Variants in SLC6A3 observed in about 807,000 individuals in gnomAD.
The protein encoded by SLC6A3 is sodium-dependent dopamine transporter.
In SLC6A3, 19 loss-of-function variants were observed where a neutral mutation model predicts 70.4. The ratio of observed to expected loss-of-function variants is 0.27; its 90% CI spans 0.19 to 0.40. SLC6A3 has a LOEUF of 0.40. Ranked by LOEUF, SLC6A3 falls within the 10% of genes least tolerant of loss-of-function variation. SLC6A3 has a pLI of 1.00. For missense variants in SLC6A3, 613 were observed against 838.5 expected (o/e 0.73, Z 3.32); for synonymous variants, 368 against 356.6 (o/e 1.03, Z -0.36).
In SLC6A3 at chr5:1,401,005, G is replaced by A. The variant is rs1449493305; in HGVS notation, c.1768-19C>T. The A allele has an allele frequency of 6.3e-7, 1 of 1,577,528 alleles. No homozygotes were observed. The highest frequency in any genetic ancestry group is 1.3e-5 in the African/African-American group (1 of 74,310). On this transcript the variant is annotated intron_variant, in intron 13 of 14. Coordinates refer to ENST00000270349, the MANE Select transcript of SLC6A3 (RefSeq NM_001044.5). This position sits in a 1 kb window ranked among gnomAD's most constrained non-coding sequence, Gnocchi z 6.1. ...CCAGTTTCTGAAAGAGAAAGAGAGT[G>A]CAGGGGTCAGTGCAGACCAGTACCC...
rs28363166 is a variant in SLC6A3, at chr5:1,394,699, C to G, written c.*36G>C. ...TGGTTTGTTCGTGTCTCTCCCATTG[C>G]AGGATGACTTCCTGGGGTCTTCGTC... On this transcript the variant is annotated 3_prime_UTR_variant, in exon 15 of 15. Transcript: ENST00000270349. This position sits in a 1 kb window ranked among gnomAD's most constrained non-coding sequence, Gnocchi z 4.7. 4.4e-6 allele frequency: 7 copies of G among 1,608,580 alleles called. No individual in the cohort carries two copies. Among genetic ancestry groups the G allele is most frequent in the Non-Finnish European group, 6.0e-6 (7 of 1,175,036 alleles).
Position 1,411,192 on chromosome 5 carries a change from T to A in SLC6A3, c.1269+51A>T. ...CCTGGGAGGGCAGGGCCCCCTCGGG[T>A]GGAAGGAACCCAACTGCCGAGGACA... On this transcript the variant is annotated intron_variant, in intron 9 of 14. Transcript: ENST00000270349. This position sits in a 1 kb window ranked among gnomAD's most constrained non-coding sequence, Gnocchi z 6.5. 1 of 1,319,094 alleles carries A rather than the reference T, an allele frequency of 7.6e-7. No individual in the cohort carries two copies. The highest frequency in any genetic ancestry group is 1.1e-6 in the Non-Finnish European group (1 of 937,542). 81.7% of individuals were successfully genotyped at this position (1,319,094 alleles called of 1,614,324 possible).
chr5:1,429,636 A>G (rs1668750447), intron 4 of SLC6A3, among the ~76,000 whole-genome samples: 1 of 152,208 alleles, frequency 6.6e-6, no homozygotes, highest in Non-Finnish European at 1.5e-5. Flanking sequence ...CACTGCCCAA[A>G]CAAAAGGAAG....
intron 6 of SLC6A3, among the ~76,000 whole-genome samples, chr5:1,417,219 A>G (rs897255328): frequency 6.6e-6 from 1 of 151,860 alleles, no homozygotes; most frequent in African/African-American, 2.4e-5. Flanking sequence ...TGGATCATCC[A>G]CAAGCTGCAT....
At chr5:1,427,634 A>C (rs1434531605) in intron 4 of SLC6A3, among the ~76,000 whole-genome samples, 1 of 152,250 alleles carries the variant, frequency 6.6e-6, no homozygotes, top group Non-Finnish European at 1.5e-5. Context: ...ATATAATGAC[A>C]CATATAGTTT....
rs1733692160 is a variant in SLC6A3 at position 1,442,187 on chromosome 5, T to C, written c.287-697A>G. Among the ~76,000 whole-genome samples, 1 of 152,166 alleles carries C rather than the reference T, an allele frequency of 6.6e-6. No homozygotes were observed. Among genetic ancestry groups the C allele is most frequent in the Non-Finnish European group, 1.5e-5 (1 of 68,020 alleles). ...GGGGAGGCATGGGGCCCCTCAGCTC[T>C]GTCTTTGGGCAACTTCCTGTACCTG... On this transcript the variant is annotated intron_variant, in intron 2 of 14. Coordinates refer to ENST00000270349, the MANE Select transcript of SLC6A3 (RefSeq NM_001044.5). This position sits in a 1 kb window ranked among gnomAD's most constrained non-coding sequence, Gnocchi z 5.0.
In SLC6A3 at chr5:1,407,867, C is replaced by T. The variant is rs117875030; in HGVS notation, c.1498+1159G>A. 5.0e-4 allele frequency among the ~76,000 whole-genome samples: 76 copies of T among 152,294 alleles called. No homozygotes were observed. In the East Asian group the frequency reaches 0.01, roughly 20 times the overall value. ...TGTCCTATTTGTCTCAAAGTCAGGG[C>T]GTTTATCTGGCTATAAATTCCATGG... On this transcript the variant is annotated intron_variant, in intron 11 of 14. Coordinates refer to ENST00000270349, the MANE Select transcript of SLC6A3 (RefSeq NM_001044.5).
chr5:1,441,659 C>T (rs1008035971), intron 2 of SLC6A3, among the ~76,000 whole-genome samples, 169 bp from the exon 3 acceptor site: 1 of 152,210 alleles, frequency 6.6e-6, no homozygotes, highest in South Asian at 2.1e-4. Flanking sequence ...GAAGCCCGCC[C>T]TCCACTGCTG....
Position 1,397,107 on chromosome 5 carries a change from G to A in SLC6A3, c.1840-2349C>T, listed in dbSNP as rs1478198691. On this transcript the variant is annotated intron_variant, in intron 14 of 14. Transcript: ENST00000270349. This position sits in a 1 kb window ranked among gnomAD's most constrained non-coding sequence, Gnocchi z 4.7. The stretch of plus-strand genomic sequence containing the variant: ...TCAAATGAAAACAAAATCTAAGTGA[G>A]GTAAGAGACCTGGAGGACCTGGGGC... Among the ~76,000 whole-genome samples, 1 of 152,160 alleles carries A rather than the reference G, an allele frequency of 6.6e-6. No individual in the cohort carries two copies. Among genetic ancestry groups the A allele is most frequent in the African/African-American group, 2.4e-5 (1 of 41,434 alleles).
rs1180607489 is a variant in SLC6A3 at position 1,406,415 on chromosome 5, GC to G, written c.1499-128del. On this transcript the variant is annotated intron_variant, in intron 11 of 14. Coordinates refer to ENST00000270349, the MANE Select transcript of SLC6A3 (RefSeq NM_001044.5). The surrounding 1 kb of genome is among the most constrained non-coding windows in gnomAD (Gnocchi z 8.8). The stretch of plus-strand genomic sequence containing the variant: ...CGGCCCCAGGCTTCGGCTGCACCCA[GC>G]CTCCTGCAGAGGAGGCCAGGCCACA... 1 of 816,960 alleles carries G rather than the reference GC, an allele frequency of 1.2e-6. No individual in the cohort carries two copies. Among genetic ancestry groups the G allele is most frequent in the East Asian group, 2.5e-5 (1 of 39,656 alleles). The allele number at this position is 816,960 out of a possible 1,614,324, so 50.6% of individuals were successfully genotyped here. A position where few individuals can be genotyped will look rare whatever the true frequency, so the allele number is the denominator to read the frequency against.
chr5:1,418,486 ACTGT>A (rs752297536), intron 6 of SLC6A3, among the ~76,000 whole-genome samples: 1 of 152,070 alleles, frequency 6.6e-6, no homozygotes, highest in Non-Finnish European at 1.5e-5. Flanking sequence ...TAATCTATCA[ACTGT>A]CTATCATCTA....
chr5:1,426,309 C>T (rs917601457), intron 4 of SLC6A3, among the ~76,000 whole-genome samples: 8 of 152,098 alleles, frequency 5.3e-5, no homozygotes, highest in East Asian at 1.9e-4. Flanking sequence ...GAAGCTGAGG[C>T]GGGAGGATTA....
Position 1,394,673 on chromosome 5 carries a change from T to C in SLC6A3, c.*62A>G. ...CCTTTCTCTCGAAACTTAGATTTCC[T>C]TGGTTTGTTCGTGTCTCTCCCATTG... On this transcript the variant is annotated 3_prime_UTR_variant, in exon 15 of 15. Coordinates refer to ENST00000270349, the MANE Select transcript of SLC6A3 (RefSeq NM_001044.5). This position sits in a 1 kb window ranked among gnomAD's most constrained non-coding sequence, Gnocchi z 4.7. 6.5e-7 allele frequency: 1 copy of C among 1,535,978 alleles called. No homozygotes were observed. Among genetic ancestry groups the C allele is most frequent in the Non-Finnish European group, 9.0e-7 (1 of 1,108,660 alleles).
intron 9 of SLC6A3, 46 bp from the exon 10 acceptor site, chr5:1,409,895 G>A (rs760490160): frequency 1.1e-5 from 18 of 1,610,512 alleles, no homozygotes; most frequent in Non-Finnish European, 1.4e-5. Flanking sequence ...CGGCGCTCCT[G>A]ACCGCAGCCT....
At chr5:1,414,922 C>T (rs777896068) in intron 7 of SLC6A3, 107 bp from the exon 8 acceptor site, 307 of 1,436,978 alleles carry the variant, frequency 2.1e-4, no homozygotes, top group Middle Eastern at 5.6e-4. Flanking sequence ...GGCGGGAGGT[C>T]TTCGGAGGGG....
rs530909053 is a variant in SLC6A3, at chr5:1,412,288, G to A, written c.1157-933C>T. On this transcript the variant is annotated intron_variant, in intron 8 of 14. Coordinates refer to ENST00000270349, the MANE Select transcript of SLC6A3 (RefSeq NM_001044.5). ...ACCACCTCCCCTGCCACGGGGTCCC[G>A]CAGGCCATATTGAGACAGGCTCCTG... 1.1e-4 allele frequency among the ~76,000 whole-genome samples: 17 copies of A among 152,320 alleles called. No homozygotes were observed. In the East Asian group the frequency reaches 2.7e-3, roughly 24 times the overall value.
chr5:1,400,125 G>A (rs992019731), intron 14 of SLC6A3, among the ~76,000 whole-genome samples: 2 of 152,232 alleles, frequency 1.3e-5, no homozygotes, highest in South Asian at 2.1e-4. Flanking sequence ...GTCGGCATTA[G>A]GCTGACATTA....
chr5:1,443,114 C>T lies in SLC6A3; in HGVS notation c.84G>A (p.Glu28=), dbSNP rs756645637. ...GCTCCTTGACAAGGATGAGCTCCACCTCCTTCGGGCCCACGGCATTGGGCT... is the reference window on the plus strand; with the variant it reads ...GCTCCTTGACAAGGATGAGCTCCACTTCCTTCGGGCCCACGGCATTGGGCT... The part of the protein sequence containing the change: ...AKEPNAVGPK[E]VELILVKEQN... The change falls in exon 2 of 15, where the codon GAG becomes GAA. Residue 28 remains glutamate, a synonymous_variant. Coordinates refer to ENST00000270349, the MANE Select transcript of SLC6A3 (RefSeq NM_001044.5). 6 of 1,614,104 alleles carry T rather than the reference C, an allele frequency of 3.7e-6. No homozygotes were observed. Among genetic ancestry groups the T allele is most frequent in the African/African-American group, 1.3e-5 (1 of 74,934 alleles).
At position 1,443,062 on chromosome 5, in the gene SLC6A3, T is replaced by G; in HGVS notation, c.136A>C (p.Thr46Pro). The G allele has an allele frequency of 6.2e-7, 1 of 1,614,154 alleles. No homozygotes were observed. The highest frequency in any genetic ancestry group is 8.5e-7 in the Non-Finnish European group (1 of 1,180,024). The change falls in exon 2 of 15, where the codon ACC (threonine) becomes CCC (proline). Residue 46 changes from threonine (T) to proline (P), a missense_variant. Around this residue, in one of 4 missense-constraint regions of SLC6A3, gnomAD observed 111 missense variants for 91.6 expected, o/e 1.21. Transcript: ENST00000270349. The stretch of plus-strand genomic sequence containing the variant: ...GGGCTCTGCCGCGGGTTGGTGAGGG[T>G]GGAGCTGGTGAGCTGCACTCCGTTC... ...EQNGVQLTSS[T>P]LTNPRQSPVE...
Sources: gnomAD v4.1 joint callset for allele counts (sites outside exome capture counted in the v4.1 genomes callset) on GRCh38, gnomAD v4.1.1 for gene constraint, gnomAD v4.1.1 regional missense constraint, Gnocchi (gnomAD v3.1) non-coding constraint, MANE v1.5 for transcripts, NCBI Gene and HGNC (gene_info 2026-07-23, HGNC 2026-07-21) for gene names.